Variants in RTF2 observed in about 807,000 individuals in gnomAD.
RTF2 encodes the protein replication termination factor 2.
A neutral mutation model predicts 38.0 loss-of-function variants in RTF2; 18 were observed. That is an observed-to-expected ratio of 0.47 (90% CI 0.33 to 0.70). The LOEUF (loss-of-function observed/expected upper bound fraction) is 0.70, where lower values mean the gene tolerates loss of function less well. Ranked by LOEUF, RTF2 falls within the 30% of genes least tolerant of loss-of-function variation. The pLI, the probability that RTF2 is intolerant of heterozygous loss-of-function variation, is 0.02. For synonymous variants in RTF2, 126 were observed against 137.1 expected, an observed-to-expected ratio of 0.92 and a Z score of 0.57; for missense variants, 311 against 379.6, an observed-to-expected ratio of 0.82 and a Z score of 1.50.
Position 56,518,370 on chromosome 20 carries a change from T to C in RTF2, c.*105T>C. On this transcript the variant is annotated 3_prime_UTR_variant, in exon 9 of 9. Transcript: ENST00000357348. The stretch of plus-strand genomic sequence containing the variant: ...CTGCTGTGTGTTCTCTCTATAGTTC[T>C]GTGTCATAAAGCTGTCCTGGCCAGC... 1 of 1,193,632 alleles carries C rather than the reference T, an allele frequency of 8.4e-7. No individual in the cohort carries two copies. The highest frequency in any genetic ancestry group is 1.2e-6 in the Non-Finnish European group (1 of 851,934). The allele number at this position is 1,193,632 out of a possible 1,614,324, so 73.9% of individuals were successfully genotyped here.
chr20:56,513,505 CA>C (rs1308695477), intron 6 of RTF2, 77 bp downstream of exon 6: 6 of 1,530,386 alleles, frequency 3.9e-6, no homozygotes, highest in Non-Finnish European at 5.3e-6. Context: ...ACTGAGCTGG[CA>C]GCTGCTTAGG....
rs181296877 is a variant in RTF2, at chr20:56,489,581, C to T, written c.477+5392C>T. On this transcript the variant is annotated intron_variant, in intron 5 of 8. Transcript: ENST00000357348. ...AACATCCCATCATCTCCCTGTGCCTCGATTTTCTCATCCGTTAAAAGTGTC... is the reference window on the plus strand; with the variant it reads ...AACATCCCATCATCTCCCTGTGCCTTGATTTTCTCATCCGTTAAAAGTGTC... 5.1e-3 allele frequency among the ~76,000 whole-genome samples: 769 copies of T among 152,268 alleles called. 23 individuals are homozygous for T. Among genetic ancestry groups the T allele is most frequent in the Admixed American group, 0.044 (670 of 15,296 alleles).
chr20:56,513,321 G>T lies in RTF2; in HGVS notation c.484G>T (p.Ala162Ser). The change falls in exon 6 of 9, where the codon GCT (alanine) becomes TCT (serine). Residue 162 changes from alanine to serine, a missense_variant. Transcript: ENST00000357348. Reference sequence around the variant, plus strand: ...TCTTGTTTGCCCTCTCCAGTGTGGGGCTGCCTTCCAGGAGGATGATGTCAT... The same window carrying T: ...TCTTGTTTGCCCTCTCCAGTGTGGGTCTGCCTTCCAGGAGGATGATGTCAT... ...IKAEVCHTCG[A>S]AFQEDDVIML... 1.3e-6 allele frequency: 2 copies of T among 1,597,974 alleles called. No individual in the cohort carries two copies. The highest frequency in any genetic ancestry group is 2.3e-5 in the East Asian group (1 of 44,392).
At chr20:56,482,827 G>A (rs1272302406) in intron 4 of RTF2, among the ~76,000 whole-genome samples, 1 of 152,150 alleles carries the variant, frequency 6.6e-6, no homozygotes, top group Non-Finnish European at 1.5e-5. Flanking sequence ...CTGCTCTCCA[G>A]CCGCGGTGGA....
At chr20:56,503,812 T>TA (rs1447305594) in intron 5 of RTF2, among the ~76,000 whole-genome samples, 3 of 151,972 alleles carry the variant, frequency 2.0e-5, no homozygotes, top group Non-Finnish European at 4.4e-5. Flanking sequence ...CTACCAACAA[T>TA]AAAAAATTAG....
At chr20:56,513,176 A>G in intron 5 of RTF2, 139 bp from the exon 6 acceptor site, 1 of 1,210,972 alleles carries the variant, frequency 8.3e-7, no homozygotes, top group Non-Finnish European at 1.1e-6. Flanking sequence ...TTCCAAACCA[A>G]GGCTTTGACC....
chr20:56,510,183 A>C (rs1984552539), intron 5 of RTF2, among the ~76,000 whole-genome samples: 1 of 152,178 alleles, frequency 6.6e-6, no homozygotes, highest in African/African-American at 2.4e-5. Flanking sequence ...TGGTTGCACA[A>C]CTCTAAATAT....
intron 5 of RTF2, among the ~76,000 whole-genome samples, chr20:56,510,578 C>T (rs1472266457): frequency 6.6e-6 from 1 of 152,152 alleles, no homozygotes; most frequent in African/African-American, 2.4e-5. Flanking sequence ...ACTTGCCACC[C>T]AACTCATAGG....
At chr20:56,484,033 G>T in intron 4 of RTF2, 78 bp from the exon 5 acceptor site, 2 of 1,199,424 alleles carry the variant, frequency 1.7e-6, no homozygotes, top group South Asian at 1.3e-5. Context: ...TGTGGTTCTT[G>T]GCCTTTGTAT....
chr20:56,491,760 C>T (rs891502318), intron 5 of RTF2: 101 of 1,551,732 alleles, frequency 6.5e-5, no homozygotes, highest in Non-Finnish European at 8.0e-5. Flanking sequence ...GGTCCGTATA[C>T]GCAGATGTCT....
intron 4 of RTF2, among the ~76,000 whole-genome samples, chr20:56,483,139 T>C (rs1486785004): frequency 6.6e-6 from 1 of 152,214 alleles, no homozygotes; most frequent in Non-Finnish European, 1.5e-5. Context: ...CTTTCCTTTT[T>C]ACCTTGCTAT....
At chr20:56,509,887 G>A (rs906510263) in intron 5 of RTF2, among the ~76,000 whole-genome samples, 1 of 152,130 alleles carries the variant, frequency 6.6e-6, no homozygotes, top group African/African-American at 2.4e-5. Flanking sequence ...TCTGTCAGCT[G>A]ATTCATAGAT....
intron 4 of RTF2, among the ~76,000 whole-genome samples, chr20:56,483,899 G>T (rs1982648766): frequency 6.6e-6 from 1 of 151,920 alleles, no homozygotes; most frequent in Non-Finnish European, 1.5e-5. Context: ...TTTGATGTTT[G>T]TGGTTTCAGT....
chr20:56,479,788 A>G (rs1366415470), intron 4 of RTF2, among the ~76,000 whole-genome samples: 4 of 151,632 alleles, frequency 2.6e-5, no homozygotes, highest in African/African-American at 9.7e-5. Context: ...TAGGTGCATT[A>G]TCAATGAGCG....
intron 4 of RTF2, among the ~76,000 whole-genome samples, chr20:56,478,983 C>T (rs1982392644): frequency 6.6e-6 from 1 of 152,192 alleles, no homozygotes; most frequent in African/African-American, 2.4e-5. Flanking sequence ...TTTCTTTGCT[C>T]ATCCATAAGA....
intron 5 of RTF2, chr20:56,497,209 G>A (rs1983603052): frequency 1.9e-6 from 3 of 1,551,512 alleles, no homozygotes; most frequent in East Asian, 4.9e-5. Context: ...ACATTTTGAG[G>A]TACATAAATA....
intron 5 of RTF2, among the ~76,000 whole-genome samples, chr20:56,493,435 A>T (rs966526968): frequency 2.6e-5 from 4 of 152,080 alleles, no homozygotes; most frequent in East Asian, 3.9e-4. Flanking sequence ...AAGTGGTAGG[A>T]TCACTTCAGC....
intron 5 of RTF2, among the ~76,000 whole-genome samples, chr20:56,488,516 TC>T (rs372446069): frequency 1.8e-3 from 280 of 152,342 alleles, no homozygotes; most frequent in African/African-American, 6.5e-3. Context: ...ACTCACACTG[TC>T]TACCTGCTTT....
intron 4 of RTF2, among the ~76,000 whole-genome samples, chr20:56,478,399 G>C (rs528476272): frequency 1.3e-5 from 2 of 152,100 alleles, no homozygotes; most frequent in African/African-American, 4.8e-5. Context: ...GGAGGCTGAG[G>C]CAGGAGGATT....
Sources: allele counts gnomAD v4.1 joint callset (sites outside exome capture counted in the v4.1 genomes callset), GRCh38; gene constraint gnomAD v4.1.1; transcripts MANE v1.5; gene names NCBI Gene and HGNC (gene_info 2026-07-23, HGNC 2026-07-21).